UVRAG: variants seen among roughly 807,000 people sequenced by gnomAD.
UVRAG encodes UV radiation resistance associated, also known as UV radiation resistance-associated gene protein.
Under a neutral mutation model 78.0 loss-of-function variants are expected in UVRAG, and 19 were observed. The ratio of observed to expected loss-of-function variants is 0.24; its 90% CI spans 0.17 to 0.36. The LOEUF (loss-of-function observed/expected upper bound fraction) is 0.36, where lower values mean the gene tolerates loss of function less well. Ranked by LOEUF, UVRAG falls within the 10% of genes least tolerant of loss-of-function variation. The probability of loss-of-function intolerance (pLI) is 1.00; values close to 1 mark genes in which losing one functional copy is unlikely to be tolerated. For missense variants in UVRAG, 740 were observed against 853.8 expected, an observed-to-expected ratio of 0.87 and a Z score of 1.66; for synonymous variants, 323 against 324.6, an observed-to-expected ratio of 1.00 and a Z score of 0.05.
At chr11:75,823,667 G>A (rs1223367439) in intron 1 of UVRAG, among the ~76,000 whole-genome samples, 1 of 152,160 alleles carries the variant, frequency 6.6e-6, no homozygotes, top group Admixed American at 6.5e-5. Context: ...TGTCAACAAA[G>A]GGACTACAAT....
chr11:76,078,854 A>G (rs1280415318), intron 13 of UVRAG, among the ~76,000 whole-genome samples: 2 of 151,656 alleles, frequency 1.3e-5, no homozygotes, highest in African/African-American at 4.8e-5. Context: ...ATGTGAACCC[A>G]GGAGGCGGAG....
At chr11:75,953,878 G>C (rs562382899) in intron 6 of UVRAG, among the ~76,000 whole-genome samples, 1 of 152,242 alleles carries the variant, frequency 6.6e-6, no homozygotes, top group South Asian at 2.1e-4. Flanking sequence ...ATTTCAGCTT[G>C]AGGATGTTAG....
chr11:75,925,185 C>CA (rs1354321386), intron 6 of UVRAG, among the ~76,000 whole-genome samples: 2 of 152,208 alleles, frequency 1.3e-5, no homozygotes, highest in African/African-American at 4.8e-5. Flanking sequence ...CCGCTGGTGC[C>CA]AGGCATGTTC....
chr11:75,877,792 A>G (rs1338740522), intron 3 of UVRAG, among the ~76,000 whole-genome samples: 1 of 107,248 alleles, frequency 9.3e-6, no homozygotes, highest in South Asian at 3.1e-4. Context: ...GGGGCTCCTC[A>G]CTTCCCAGTA....
intron 14 of UVRAG, among the ~76,000 whole-genome samples, chr11:76,122,160 A>G (rs1332493858): frequency 6.6e-6 from 1 of 152,240 alleles, no homozygotes; most frequent in Non-Finnish European, 1.5e-5. Flanking sequence ...ACGACATGCT[A>G]TAAGGGAGAG....
intron 3 of UVRAG, among the ~76,000 whole-genome samples, chr11:75,865,287 C>CAAAAAAAA (rs1195072746): frequency 6.6e-5 from 3 of 45,726 alleles, no homozygotes; most frequent in East Asian, 7.0e-4. Context: ...AACTCCATCT[C>CAAAAAAAA]AAAAAAAAAA....
At chr11:75,945,401 G>A (rs751047733) in intron 6 of UVRAG, among the ~76,000 whole-genome samples, 7 of 152,130 alleles carry the variant, frequency 4.6e-5, no homozygotes, top group East Asian at 1.9e-4. Context: ...GGAGAAAGCC[G>A]GAAAACAAAT....
chr11:75,923,961 T>C (rs1484864675), intron 6 of UVRAG, among the ~76,000 whole-genome samples: 1 of 152,236 alleles, frequency 6.6e-6, no homozygotes, highest in Non-Finnish European at 1.5e-5. Context: ...GAAATTGTAA[T>C]AACTTTTTTC....
At chr11:75,975,484 C>G (rs1949219707) in intron 7 of UVRAG, among the ~76,000 whole-genome samples, 1 of 152,154 alleles carries the variant, frequency 6.6e-6, no homozygotes, top group Non-Finnish European at 1.5e-5. Context: ...GATATTGATT[C>G]TTCCTATCCA....
In UVRAG at chr11:76,116,026, T is replaced by C; in HGVS notation, c.1397+11T>C. 6.2e-7 allele frequency: 1 copy of C among 1,611,024 alleles called. No individual in the cohort carries two copies. On this transcript the variant is annotated intron_variant, in intron 14 of 14. Transcript: ENST00000356136. ...ACTAATGGTCAGGTGGTGAGTACCTTTATCTCTGATAACCAGAAACTGTAA... is the reference window on the plus strand; with the variant it reads ...ACTAATGGTCAGGTGGTGAGTACCTCTATCTCTGATAACCAGAAACTGTAA...
chr11:76,099,036 C>G (rs938439368), intron 13 of UVRAG, among the ~76,000 whole-genome samples: 4 of 152,234 alleles, frequency 2.6e-5, no homozygotes, highest in East Asian at 1.9e-4. Context: ...GCCTCCTTTC[C>G]CAGTTGTTAA....
intron 5 of UVRAG, among the ~76,000 whole-genome samples, chr11:75,911,043 T>C (rs1304293980): frequency 6.6e-6 from 1 of 152,232 alleles, no homozygotes; most frequent in Non-Finnish European, 1.5e-5. Context: ...CGTGGGAAAC[T>C]GTGAGAAGAA....
chr11:76,101,042 C>T (rs1951872135), intron 13 of UVRAG, among the ~76,000 whole-genome samples: 1 of 152,104 alleles, frequency 6.6e-6, no homozygotes, highest in South Asian at 2.1e-4. Context: ...CATGTTATTG[C>T]AGTTATGAAC....
chr11:76,083,270 T>C (rs945925918), intron 13 of UVRAG, among the ~76,000 whole-genome samples: 3 of 152,210 alleles, frequency 2.0e-5, no homozygotes, highest in African/African-American at 7.2e-5. Flanking sequence ...GAGGAATTTT[T>C]AAAAAATAAT....
intron 1 of UVRAG, among the ~76,000 whole-genome samples, chr11:75,837,799 T>C (rs1359803951): frequency 6.6e-6 from 1 of 152,232 alleles, no homozygotes; most frequent in Non-Finnish European, 1.5e-5. Context: ...TTCTCTCCTA[T>C]ATATTCCATT....
intron 5 of UVRAG, among the ~76,000 whole-genome samples, chr11:75,901,064 A>G (rs947966026): frequency 6.6e-6 from 1 of 152,190 alleles, no homozygotes; most frequent in African/African-American, 2.4e-5. Flanking sequence ...ATGATGCTTA[A>G]CAGAGATACG....
At chr11:75,939,015 G>T (rs1487736276) in intron 6 of UVRAG, among the ~76,000 whole-genome samples, 1 of 151,818 alleles carries the variant, frequency 6.6e-6, no homozygotes, top group African/African-American at 2.4e-5. Flanking sequence ...CTCCTCATGT[G>T]TTTCTCTACT....
intron 13 of UVRAG, among the ~76,000 whole-genome samples, chr11:76,081,567 A>C (rs910999685): frequency 1.3e-5 from 2 of 152,120 alleles, no homozygotes; most frequent in African/African-American, 4.8e-5. Context: ...AACTTGAAGT[A>C]AATAATCTTT....
chr11:75,981,321 A>G (rs1172572677), intron 7 of UVRAG, among the ~76,000 whole-genome samples: 1 of 152,154 alleles, frequency 6.6e-6, no homozygotes, highest in African/African-American at 2.4e-5. Context: ...TATGTTGGCC[A>G]GGCTGGTCTC....
Sources: allele counts gnomAD v4.1 joint callset (sites outside exome capture counted in the v4.1 genomes callset), GRCh38; gene constraint gnomAD v4.1.1; transcripts MANE v1.5; gene names NCBI Gene and HGNC (gene_info 2026-07-23, HGNC 2026-07-21).